Variants in SMARCC1 observed in about 807,000 individuals in gnomAD.
SMARCC1 encodes the protein SWI/SNF complex subunit SMARCC1.
In SMARCC1, 43 loss-of-function variants were observed where a neutral mutation model predicts 147.4. The observed-to-expected ratio is 0.29, with a 90% CI of 0.23 to 0.38. The LOEUF is 0.38. Ranked by LOEUF, SMARCC1 falls within the 10% of genes least tolerant of loss-of-function variation. The pLI, the probability that SMARCC1 is intolerant of heterozygous loss-of-function variation, is 1.00. For synonymous variants in SMARCC1, 495 were observed against 484.4 expected (o/e 1.02, Z -0.29); for missense variants, 1,119 against 1,381.1 (o/e 0.81, Z 3.01).
At position 47,675,576 on chromosome 3, in the gene SMARCC1, G is replaced by C. The variant is rs1440273974; in HGVS notation, c.1738C>G (p.Gln580Glu). 2.5e-6 allele frequency: 4 copies of C among 1,588,412 alleles called. No homozygotes were observed. The African/African-American group carries it at 4.0e-5, about 16-fold the overall frequency. ...HLRSPQVPAA[Q>E]QMLNFPEKNK... ...TTCTCAGGAAAATTTAGCATCTGTT[G>C]AGCAGCAGGAACCTGAGTCAAATAA... The change falls in exon 18 of 28, where the codon CAA becomes GAA. Residue 580 changes from glutamine to glutamate, a missense_variant. By Grantham distance (29) the Gln-to-Glu change is conservative. Around this residue, in one of 6 missense-constraint regions of SMARCC1, gnomAD observed 178 missense variants for 264.6 expected, o/e 0.67. Transcript: ENST00000254480.
At chr3:47,630,172 G>A (rs1278178589) in intron 24 of SMARCC1, among the ~76,000 whole-genome samples, 1 of 148,726 alleles carries the variant, frequency 6.7e-6, no homozygotes, top group Non-Finnish European at 1.5e-5. Context: ...CTGGGGCAGG[G>A]TGGGGGTGGG....
At chr3:47,641,351 G>T (rs562376113) in intron 21 of SMARCC1, among the ~76,000 whole-genome samples, 1 of 152,144 alleles carries the variant, frequency 6.6e-6, no homozygotes, top group Non-Finnish European at 1.5e-5. Flanking sequence ...GCCAGGCATG[G>T]TGATGAGCAC....
At chr3:47,781,389 T>G (rs1017317550) in intron 1 of SMARCC1, among the ~76,000 whole-genome samples, 19 of 152,038 alleles carry the variant, frequency 1.2e-4, no homozygotes, top group Non-Finnish European at 2.6e-4. Context: ...TCACCATGGG[T>G]GCGTAGGCTC....
intron 14 of SMARCC1, among the ~76,000 whole-genome samples, chr3:47,682,375 C>T (rs912907284): frequency 2.0e-5 from 3 of 151,970 alleles, no homozygotes; most frequent in Non-Finnish European, 4.4e-5. Flanking sequence ...AACTCCTAAG[C>T]TCAGGCAATC....
rs891054285 is a variant in SMARCC1, at chr3:47,590,923, A to C, written c.3044-86T>G. Reference sequence around the variant, plus strand: ...ACTTAAATCCAACTCCTAAATACAAATATCCAACCTTCCAAAGGATCTGAA... The same window carrying C: ...ACTTAAATCCAACTCCTAAATACAACTATCCAACCTTCCAAAGGATCTGAA... On this transcript the variant is annotated intron_variant, in intron 26 of 27. Transcript: ENST00000254480. The C allele has an allele frequency of 6.5e-6, 7 of 1,069,918 alleles. No homozygotes were observed. In the African/African-American group the frequency reaches 9.7e-5, roughly 15 times the overall value. 66.3% of individuals were successfully genotyped at this position (1,069,918 alleles called of 1,614,324 possible). A position where few individuals can be genotyped will look rare whatever the true frequency, so the allele number is the denominator to read the frequency against.
chr3:47,620,998 C>A (rs1454852735), intron 25 of SMARCC1, among the ~76,000 whole-genome samples: 1 of 151,984 alleles, frequency 6.6e-6, no homozygotes, highest in African/African-American at 2.4e-5. Context: ...TGGGTATATA[C>A]CCAAAAGAAA....
intron 1 of SMARCC1, among the ~76,000 whole-genome samples, chr3:47,777,995 C>T (rs1343196538): frequency 2.6e-5 from 4 of 151,128 alleles, no homozygotes; most frequent in African/African-American, 7.3e-5. Flanking sequence ...CACCTGAGGT[C>T]AGGAGTTCAA....
intron 2 of SMARCC1, among the ~76,000 whole-genome samples, chr3:47,749,099 T>C (rs1438186339): frequency 6.6e-6 from 1 of 151,836 alleles, no homozygotes; most frequent in East Asian, 1.9e-4. Flanking sequence ...GGTCAGAAGT[T>C]TGGGACAAGC....
At chr3:47,610,696 C>T (rs940657075) in intron 25 of SMARCC1, 8 of 257,008 alleles carry the variant, frequency 3.1e-5, no homozygotes, top group East Asian at 8.8e-5. Context: ...CCAGGTAAAA[C>T]GAGCCTCTCT....
At chr3:47,597,198 C>T (rs1427158530) in intron 26 of SMARCC1, among the ~76,000 whole-genome samples, 1 of 151,854 alleles carries the variant, frequency 6.6e-6, no homozygotes, top group Non-Finnish European at 1.5e-5. Flanking sequence ...GCTCTGTCAC[C>T]CAGGCTGGAG....
intron 7 of SMARCC1, among the ~76,000 whole-genome samples, chr3:47,717,963 G>C (rs1404676692): frequency 1.3e-5 from 2 of 151,506 alleles, no homozygotes; most frequent in Non-Finnish European, 2.9e-5. Context: ...AGACCAGCCT[G>C]AACAACATAC....
At chr3:47,750,398 G>A (rs1025014162) in intron 2 of SMARCC1, among the ~76,000 whole-genome samples, 7 of 152,094 alleles carry the variant, frequency 4.6e-5, no homozygotes, top group Admixed American at 6.6e-5. Context: ...TCGCGCCAGG[G>A]CACTCCAGCT....
At chr3:47,753,470 T>G (rs764571028) in intron 2 of SMARCC1, among the ~76,000 whole-genome samples, 1 of 151,678 alleles carries the variant, frequency 6.6e-6, no homozygotes, top group Non-Finnish European at 1.5e-5. Flanking sequence ...TCTGAGCACT[T>G]TGGGAGGCCG....
intron 3 of SMARCC1, among the ~76,000 whole-genome samples, chr3:47,745,141 G>T (rs1322485994): frequency 1.3e-5 from 2 of 152,076 alleles, no homozygotes; most frequent in African/African-American, 4.8e-5. Context: ...GTGGTGGCAG[G>T]TGCCTGTAAT....
At chr3:47,609,351 G>C (rs2032528784) in intron 26 of SMARCC1, among the ~76,000 whole-genome samples, 1 of 152,240 alleles carries the variant, frequency 6.6e-6, no homozygotes, top group Admixed American at 6.5e-5. Context: ...AAAAAAATTA[G>C]CCAGGCATGG....
chr3:47,702,820 G>T (rs1283395131), intron 10 of SMARCC1, among the ~76,000 whole-genome samples: 1 of 152,172 alleles, frequency 6.6e-6, no homozygotes, highest in East Asian at 1.9e-4. Flanking sequence ...TGCCTCAGGT[G>T]ATCTCAAACT....
At chr3:47,729,996 C>T (rs1052636211) in intron 5 of SMARCC1, among the ~76,000 whole-genome samples, 69 of 151,912 alleles carry the variant, frequency 4.5e-4, no homozygotes, top group African/African-American at 1.5e-3. Context: ...GTGGCCAACA[C>T]GGTGAAACCC....
chr3:47,644,306 G>A (rs2033090340), intron 21 of SMARCC1, among the ~76,000 whole-genome samples: 1 of 151,892 alleles, frequency 6.6e-6, no homozygotes, highest in Non-Finnish European at 1.5e-5. Flanking sequence ...TACAGTAAAA[G>A]CCCACCTCTA....
intron 2 of SMARCC1, among the ~76,000 whole-genome samples, chr3:47,756,520 C>T (rs1374269742): frequency 2.7e-5 from 3 of 111,142 alleles, no homozygotes; most frequent in Non-Finnish European, 5.0e-5. Context: ...GCAACAAGAG[C>T]GAAACTCCGT....
Sources: allele counts gnomAD v4.1 joint callset (sites outside exome capture counted in the v4.1 genomes callset), GRCh38; gene constraint gnomAD v4.1.1; regional missense constraint gnomAD v4.1.1; transcripts MANE v1.5; gene names NCBI Gene and HGNC (gene_info 2026-07-23, HGNC 2026-07-21).